Variants in KNL1 observed in about 807,000 individuals in gnomAD.
The protein encoded by KNL1 is outer kinetochore KNL1 complex subunit KNL1.
In KNL1, 66 loss-of-function variants were observed where a neutral mutation model predicts 201.3. The observed-to-expected ratio is 0.33, with a 90% CI of 0.27 to 0.40. The LOEUF (loss-of-function observed/expected upper bound fraction) is 0.40, where lower values mean the gene tolerates loss of function less well. KNL1 is among the 10% of genes least tolerant of loss of function. The pLI is 1.00. For missense variants in KNL1, 2,815 were observed against 2,690.5 expected (o/e 1.05, Z -1.02); for synonymous variants, 895 against 899.2 (o/e 1.00, Z 0.08).
intron 7 of KNL1, among the ~76,000 whole-genome samples, chr15:40,613,086 T>TGAA (rs1444125497): frequency 6.6e-6 from 1 of 152,184 alleles, no homozygotes; most frequent in African/African-American, 2.4e-5. Context: ...AGTAAGGGCC[T>TGAA]GGTTAAATAA....
chr15:40,640,092 T>A (rs1402516576), intron 13 of KNL1, among the ~76,000 whole-genome samples: 3 of 150,070 alleles, frequency 2.0e-5, no homozygotes, highest in Non-Finnish European at 4.4e-5. Context: ...TTTCTTTTTT[T>A]CTTTTCTTTT....
Position 40,622,129 on chromosome 15 carries a change from C to T in KNL1, c.1865C>T (p.Pro622Leu). 1 of 1,614,070 alleles carries T rather than the reference C, an allele frequency of 6.2e-7. No individual in the cohort carries two copies. Among genetic ancestry groups the T allele is most frequent in the Non-Finnish European group, 8.5e-7 (1 of 1,179,984 alleles). Residue 622 changes from proline (P) to leucine (L), a missense_variant, in exon 10 of 26, where the codon CCA becomes CTA. Coordinates refer to ENST00000399668, the MANE Select transcript of KNL1 (RefSeq NM_144508.5). Reference protein sequence around the residue: ...CEEITKSRNEPFQRSDIIAKN... With the variant: ...CEEITKSRNELFQRSDIIAKN... ...GAAATTACCAAAAGTCGTAATGAAC[C>T]ATTTCAGCGATCAGACATAATAGCC...
intron 8 of KNL1, among the ~76,000 whole-genome samples, chr15:40,617,203 C>T (rs1256610233): frequency 1.3e-5 from 2 of 152,242 alleles, no homozygotes; most frequent in Non-Finnish European, 2.9e-5. Flanking sequence ...CCGCCTTGGC[C>T]TCCAGAGTGC....
At position 40,622,137 on chromosome 15, in the gene KNL1, C is replaced by T; in HGVS notation, c.1873C>T (p.Arg625Ter). Reference sequence around the variant, plus strand: ...CAAAAGTCGTAATGAACCATTTCAGCGATCAGACATAATAGCCAAAAACAG... The same window carrying T: ...CAAAAGTCGTAATGAACCATTTCAGTGATCAGACATAATAGCCAAAAACAG... ...ITKSRNEPFQ[R>*]SDIIAKNSLT... The change falls in exon 10 of 26, where the codon CGA (arginine) becomes TGA (stop). Residue 625 changes from arginine to a stop codon, truncating the protein, a stop_gained. Coordinates refer to ENST00000399668, the MANE Select transcript of KNL1 (RefSeq NM_144508.5). LOFTEE classifies it high-confidence loss of function. 1.9e-6 allele frequency: 3 copies of T among 1,614,022 alleles called. No individual in the cohort carries two copies. Among genetic ancestry groups the T allele is most frequent in the Non-Finnish European group, 1.7e-6 (2 of 1,179,954 alleles).
intron 17 of KNL1, among the ~76,000 whole-genome samples, chr15:40,648,916 G>A (rs990364107): frequency 1.4e-5 from 2 of 142,598 alleles, no homozygotes; most frequent in East Asian, 2.1e-4. Context: ...TGCAACCTCC[G>A]CCTCCCAGAT....
At chr15:40,625,674 A>C (rs1450654541) in intron 10 of KNL1, 34 bp downstream of exon 10, 1 of 1,552,074 alleles carries the variant, frequency 6.4e-7, no homozygotes, top group Non-Finnish European at 8.8e-7. Flanking sequence ...AATGTTCTTG[A>C]ATTTTGGGTT....
At position 40,662,313 on chromosome 15, in the gene KNL1, T is replaced by A. The variant is rs530265347; in HGVS notation, c.*125T>A. The A allele has an allele frequency of 3.1e-6, 2 of 640,042 alleles. No homozygotes were observed. Among genetic ancestry groups the A allele is most frequent in the South Asian group, 3.8e-5 (2 of 52,230 alleles). The allele number at this position is 640,042 out of a possible 1,614,324, so 39.6% of individuals were successfully genotyped here. On this transcript the variant is annotated 3_prime_UTR_variant, in exon 26 of 26. Coordinates refer to ENST00000399668, the MANE Select transcript of KNL1 (RefSeq NM_144508.5). The stretch of plus-strand genomic sequence containing the variant: ...AGTAAAATTCCTTCTGATGATGTTA[T>A]AGTTAATCTGTATGTTTTTTATATC...
At chr15:40,610,827 G>A in intron 6 of KNL1, 1 of 455,304 alleles carries the variant, frequency 2.2e-6, no homozygotes, top group Non-Finnish European at 4.4e-6. Flanking sequence ...CATCTCAGCT[G>A]CAACTTCTGC....
chr15:40,594,656 G>T (rs778290648), intron 1 of KNL1, among the ~76,000 whole-genome samples: 1 of 152,332 alleles, frequency 6.6e-6, no homozygotes, highest in South Asian at 2.1e-4. Flanking sequence ...GGCTCGGGTT[G>T]CTTGTCCGTC....
intron 17 of KNL1, among the ~76,000 whole-genome samples, chr15:40,649,583 C>T (rs1428099859): frequency 6.6e-6 from 1 of 150,548 alleles, no homozygotes; most frequent in Non-Finnish European, 1.5e-5. Flanking sequence ...GCATCAGCCA[C>T]TACGCCTGCC....
intron 1 of KNL1, among the ~76,000 whole-genome samples, chr15:40,599,010 G>A (rs868213942): frequency 4.0e-5 from 6 of 151,824 alleles, no homozygotes; most frequent in Non-Finnish European, 8.8e-5. Flanking sequence ...TCACTATGTT[G>A]CCCAGGCTGC....
At chr15:40,609,244 C>CAAA (rs35081212) in intron 5 of KNL1, among the ~76,000 whole-genome samples, 8 of 52,042 alleles carry the variant, frequency 1.5e-4, no homozygotes, top group African/African-American at 3.0e-4. Context: ...CCCATCTCTA[C>CAAA]AAAAAAAAAA....
Position 40,628,061 on chromosome 15 carries a change from C to T in KNL1, c.5377-9C>T, listed in dbSNP as rs1189964175. ...TATTCTGATGATATTCCTTAATTGA[C>T]AATTTCAGATTTTTGATCACCATAC... On this transcript the variant is annotated splice_polypyrimidine_tract_variant and intron_variant, in intron 10 of 25. Transcript: ENST00000399668. 6.4e-7 allele frequency: 1 copy of T among 1,573,742 alleles called. No homozygotes were observed. The highest frequency in any genetic ancestry group is 1.4e-5 in the African/African-American group (1 of 73,350).
chr15:40,620,967 G>C lies in KNL1; in HGVS notation c.703G>C (p.Asp235His), dbSNP rs1892502882. The change falls in exon 10 of 26, where the codon GAT becomes CAT. Residue 235 changes from aspartate to histidine, a missense_variant. Physicochemically the swap from Asp to His is moderately conservative, Grantham distance 81. Transcript: ENST00000399668. The part of the protein sequence containing the change: ...GKCSAFPDVP[D>H]KENFEIPIYS... ...ATGTAGTGCTTTTCCTGATGTGCCT[G>C]ATAAAGAAAATTTTGAGATACCTAT... 1 of 1,605,536 alleles carries C rather than the reference G, an allele frequency of 6.2e-7. No homozygotes were observed.
rs1892808888 is a variant in KNL1, at chr15:40,628,247, G to A, written c.5515+39G>A. The A allele has an allele frequency of 2.6e-6, 4 of 1,543,310 alleles. No homozygotes were observed. In the East Asian group the frequency reaches 6.9e-5, roughly 26 times the overall value. Reference sequence around the variant, plus strand: ...GAAGGCTAAATAATAGCAGCCATCTGCTTACTTAACTAATAATAAGTAGTT... The same window carrying A: ...GAAGGCTAAATAATAGCAGCCATCTACTTACTTAACTAATAATAAGTAGTT... On this transcript the variant is annotated intron_variant, in intron 11 of 25. Transcript: ENST00000399668.
intron 13 of KNL1, 88 bp downstream of exon 13, chr15:40,629,459 A>T (rs545107198): frequency 4.6e-5 from 21 of 452,624 alleles, no homozygotes; most frequent in Admixed American, 4.1e-4. Flanking sequence ...AAATTTTCCT[A>T]TAGAGAGTTT....
intron 1 of KNL1, among the ~76,000 whole-genome samples, chr15:40,601,980 T>G (rs1375890506): frequency 4.4e-5 from 6 of 137,144 alleles, no homozygotes; most frequent in Non-Finnish European, 1.5e-5. Context: ...TAGCTGGGAC[T>G]ACAGGTGCAC....
chr15:40,634,901 T>C (rs1185096304), intron 13 of KNL1, among the ~76,000 whole-genome samples: 2 of 152,000 alleles, frequency 1.3e-5, no homozygotes, highest in East Asian at 3.9e-4. Flanking sequence ...GATAGGAAAA[T>C]ATATCTGGGA....
At position 40,610,337 on chromosome 15, in the gene KNL1, A is replaced by G. The variant is rs766429552; in HGVS notation, c.250+40A>G. 6 of 1,072,730 alleles carry G rather than the reference A, an allele frequency of 5.6e-6. No homozygotes were observed. The African/African-American group carries it at 6.3e-5, about 11-fold the overall frequency. The allele number at this position is 1,072,730 out of a possible 1,614,324, so 66.5% of individuals were successfully genotyped here. A position where few individuals can be genotyped will look rare whatever the true frequency, so the allele number is the denominator to read the frequency against. On this transcript the variant is annotated intron_variant, in intron 6 of 25. Transcript: ENST00000399668. Reference sequence around the variant, plus strand: ...ATAATTCCTGCTAAATCTGCTTTTTAAAAAATTTTACTGTAGCTATCTAAC... The same window carrying G: ...ATAATTCCTGCTAAATCTGCTTTTTGAAAAATTTTACTGTAGCTATCTAAC...
Sources: allele counts gnomAD v4.1 joint callset (sites outside exome capture counted in the v4.1 genomes callset), GRCh38; gene constraint gnomAD v4.1.1; transcripts MANE v1.5; gene names NCBI Gene and HGNC (gene_info 2026-07-23, HGNC 2026-07-21).